NR6A1: variants seen among roughly 807,000 people sequenced by gnomAD.
NR6A1 encodes the protein retinoic acid receptor-related testis-associated receptor.
A neutral mutation model predicts 59.1 loss-of-function variants in NR6A1; 7 were observed. That is an observed-to-expected ratio of 0.12 (90% confidence interval 0.07 to 0.22). NR6A1 has a LOEUF of 0.22. NR6A1 is among the 10% of genes least tolerant of loss of function. The probability of loss-of-function intolerance (pLI) is 1.00; values close to 1 mark genes in which losing one functional copy is unlikely to be tolerated. For synonymous variants in NR6A1, 243 were observed against 236.1 expected (o/e 1.03, Z -0.27); for missense variants, 468 against 611.6 (o/e 0.77, Z 2.48).
chr9:124,548,784 G>A (rs1281689095), intron 3 of NR6A1, among the ~76,000 whole-genome samples: 1 of 152,120 alleles, frequency 6.6e-6, no homozygotes, highest in African/African-American at 2.4e-5. Flanking sequence ...AGCAAGTTAT[G>A]AGACCACAGA....
chr9:124,527,476 G>A lies in NR6A1; in HGVS notation c.1080-576C>T, dbSNP rs141144128. Among the ~76,000 whole-genome samples, 257 of 152,328 alleles carry A rather than the reference G, an allele frequency of 1.7e-3. 5 individuals carry two copies. In the East Asian group the frequency reaches 0.03, roughly 18 times the overall value. On this transcript the variant is annotated intron_variant, in intron 7 of 9. Transcript: ENST00000487099. ...TGACTTTGGCAGGAGGGAGGAAAACGTTAACTGAGTTTCCATACCACGCCA... is the reference window on the plus strand; with the variant it reads ...TGACTTTGGCAGGAGGGAGGAAAACATTAACTGAGTTTCCATACCACGCCA...
At chr9:124,669,552 T>C (rs1837724753) in intron 2 of NR6A1, among the ~76,000 whole-genome samples, 1 of 152,198 alleles carries the variant, frequency 6.6e-6, no homozygotes, top group African/African-American at 2.4e-5. Flanking sequence ...TCTCAGACTG[T>C]GGCTAGAAAA....
chr9:124,643,313 T>G (rs1404160324), intron 2 of NR6A1, among the ~76,000 whole-genome samples: 2 of 151,372 alleles, frequency 1.3e-5, no homozygotes, highest in African/African-American at 4.9e-5. Flanking sequence ...TTTTAAAATT[T>G]TGCCAGGCCA....
intron 6 of NR6A1, among the ~76,000 whole-genome samples, chr9:124,537,237 G>A (rs905265072): frequency 6.6e-6 from 1 of 152,130 alleles, no homozygotes; most frequent in Non-Finnish European, 1.5e-5. Flanking sequence ...TTACAGGCGT[G>A]TGCCACCACA....
intron 2 of NR6A1, among the ~76,000 whole-genome samples, chr9:124,672,765 G>T (rs1053028396): frequency 1.3e-5 from 2 of 152,176 alleles, no homozygotes; most frequent in Middle Eastern, 6.8e-3. Flanking sequence ...TGGTGGGTAT[G>T]CAGTGGTATA....
At chr9:124,549,056 C>T (rs1833691631) in intron 3 of NR6A1, among the ~76,000 whole-genome samples, 1 of 152,224 alleles carries the variant, frequency 6.6e-6, no homozygotes, top group South Asian at 2.1e-4. Context: ...ATGAGGGAAA[C>T]AGATGAGTGA....
At chr9:124,684,990 C>CA (rs200480892) in intron 2 of NR6A1, among the ~76,000 whole-genome samples, 2,992 of 133,354 alleles carry the variant, frequency 0.022, 98 homozygotes, top group East Asian at 0.17. Context: ...GAAACTTCTG[C>CA]AAAAAAAAAA....
chr9:124,675,708 A>G (rs940257172), intron 2 of NR6A1, among the ~76,000 whole-genome samples: 1 of 152,202 alleles, frequency 6.6e-6, no homozygotes, highest in African/African-American at 2.4e-5. Context: ...CAAAGGAGGC[A>G]GTCTAGAATC....
chr9:124,676,051 G>A (rs2130980436), intron 2 of NR6A1, among the ~76,000 whole-genome samples: 1 of 152,190 alleles, frequency 6.6e-6, no homozygotes, highest in East Asian at 1.9e-4. Flanking sequence ...ATATAAACAG[G>A]CAAGGTGTGA....
chr9:124,649,235 A>C (rs867280289), intron 2 of NR6A1, among the ~76,000 whole-genome samples: 3 of 141,550 alleles, frequency 2.1e-5, no homozygotes, highest in Non-Finnish European at 4.6e-5. Flanking sequence ...TACTGGCACA[A>C]AAAAAAAAAA....
intron 2 of NR6A1, among the ~76,000 whole-genome samples, chr9:124,588,976 AG>A (rs1835022976): frequency 6.6e-6 from 1 of 151,804 alleles, no homozygotes; most frequent in Admixed American, 6.6e-5. Flanking sequence ...CAGTTTCTTA[AG>A]GTAACTGGTT....
At chr9:124,608,149 G>T (rs1835625591) in intron 2 of NR6A1, among the ~76,000 whole-genome samples, 1 of 152,142 alleles carries the variant, frequency 6.6e-6, no homozygotes, top group Non-Finnish European at 1.5e-5. Flanking sequence ...GCACTTTTTA[G>T]ATTTTATTTT....
At chr9:124,564,187 A>G (rs1316763042) in intron 2 of NR6A1, among the ~76,000 whole-genome samples, 1 of 152,248 alleles carries the variant, frequency 6.6e-6, no homozygotes, top group African/African-American at 2.4e-5. Context: ...TAAAACTTTT[A>G]GCAAACTAGA....
rs148925071 is a variant in NR6A1, at chr9:124,768,099, TTCTGACAGAA to T, written c.100+2911_100+2920del. On this transcript the variant is annotated intron_variant, in intron 1 of 9. Coordinates refer to ENST00000487099, the MANE Select transcript of NR6A1 (RefSeq NM_033334.4). ...ATCAAAAGGCTAGAAAGAAACTCTG[TTCTGACAGAA>T]TAAAAACCATTCAAAGGACTGTAAA... Among the ~76,000 whole-genome samples, 809 of 152,334 alleles carry T rather than the reference TTCTGACAGAA, an allele frequency of 5.3e-3. 6 individuals carry two copies. The highest frequency in any genetic ancestry group is 0.018 in the African/African-American group (763 of 41,560).
intron 2 of NR6A1, among the ~76,000 whole-genome samples, chr9:124,690,255 T>A (rs1247506316): frequency 1.3e-5 from 2 of 152,210 alleles, no homozygotes; most frequent in Non-Finnish European, 1.5e-5. Context: ...ATGCTACTAA[T>A]CATCCAGATA....
At chr9:124,649,736 C>T (rs1047836741) in intron 2 of NR6A1, among the ~76,000 whole-genome samples, 14 of 151,986 alleles carry the variant, frequency 9.2e-5, no homozygotes, top group African/African-American at 3.1e-4. Flanking sequence ...TAAATATACA[C>T]GGAACTCAAT....
At chr9:124,749,832 T>G (rs145493163) in intron 1 of NR6A1, among the ~76,000 whole-genome samples, 1 of 152,226 alleles carries the variant, frequency 6.6e-6, no homozygotes, top group Non-Finnish European at 1.5e-5. Context: ...TCCACAGGCT[T>G]AGAAGTTCCT....
chr9:124,733,039 G>T (rs929551251), intron 2 of NR6A1, among the ~76,000 whole-genome samples: 1 of 152,160 alleles, frequency 6.6e-6, no homozygotes, highest in African/African-American at 2.4e-5. Context: ...TGGAAGGATG[G>T]AGAACAAAGC....
chr9:124,770,953 G>A, intron 1 of NR6A1, 67 bp downstream of exon 1: 1 of 910,046 alleles, frequency 1.1e-6, no homozygotes, highest in Non-Finnish European at 1.4e-6. Context: ...GAGAGGAGGG[G>A]GATCCCTGGC....
Sources: gnomAD v4.1 joint callset for allele counts (sites outside exome capture counted in the v4.1 genomes callset) on GRCh38, gnomAD v4.1.1 for gene constraint, MANE v1.5 for transcripts, NCBI Gene and HGNC (gene_info 2026-07-23, HGNC 2026-07-21) for gene names.